The following MCM3 variants were observed in gnomAD, a reference collection of about 807,000 sequenced individuals.
MCM3 encodes the protein minichromosome maintenance complex component 3.
Under a neutral mutation model 91.3 loss-of-function variants are expected in MCM3, and 59 were observed. The observed-to-expected ratio is 0.65, with a 90% CI of 0.52 to 0.80. The LOEUF (loss-of-function observed/expected upper bound fraction) is 0.80, where lower values mean the gene tolerates loss of function less well. Among genes scored for constraint, MCM3 ranks in the 30% least tolerant of loss-of-function variants. The probability of loss-of-function intolerance (pLI) is 0.00; values close to 1 mark genes in which losing one functional copy is unlikely to be tolerated. For missense variants in MCM3, 919 were observed against 1,035.4 expected (o/e 0.89, Z 1.54); for synonymous variants, 383 against 379.6 (o/e 1.01, Z -0.10).
Position 52,272,458 on chromosome 6 carries a change from C to G in MCM3, c.1677-7G>C. On this transcript the variant is annotated splice_polypyrimidine_tract_variant and splice_region_variant and intron_variant, in intron 11 of 16. Transcript: ENST00000596288. The stretch of plus-strand genomic sequence containing the variant: ...TGCACTCACCATCTTCTCCCTGGAG[C>G]CACACACAGTGAATTCCATCTCCCT... 6.2e-7 allele frequency: 1 copy of G among 1,613,968 alleles called. No individual in the cohort carries two copies. The highest frequency in any genetic ancestry group is 8.5e-7 in the Non-Finnish European group (1 of 1,179,950).
At chr6:52,280,218 T>C (rs1765965547) in intron 4 of MCM3, among the ~76,000 whole-genome samples, 1 of 152,244 alleles carries the variant, frequency 6.6e-6, no homozygotes, top group South Asian at 2.1e-4. Context: ...CAAGAGGGAC[T>C]TCTGTGTGCT....
chr6:52,281,033 G>A (rs896258321), intron 4 of MCM3, among the ~76,000 whole-genome samples: 1 of 152,188 alleles, frequency 6.6e-6, no homozygotes, highest in Admixed American at 6.5e-5. Context: ...TTTGAATACA[G>A]TAGTTCTCAA....
chr6:52,277,149 A>G lies in MCM3; in HGVS notation c.1083T>C (p.Thr361=), dbSNP rs138846924. Residue 361 remains threonine (T), a synonymous_variant, in exon 8 of 17, where the codon ACT becomes ACC. Coordinates refer to ENST00000596288, the MANE Select transcript of MCM3 (RefSeq NM_002388.6). Reference sequence around the variant, plus strand: ...CAGTGGTGGGGATAGCTCGGGGTGCAGTGCAAAGCACATACCGCAGAAGCT... The same window carrying G: ...CAGTGGTGGGGATAGCTCGGGGTGCGGTGCAAAGCACATACCGCAGAAGCT... ...KSQLLRYVLC[T]APRAIPTTGR... The G allele has an allele frequency of 1.2e-5, 20 of 1,613,936 alleles. No homozygotes were observed. In the African/African-American group the frequency reaches 2.5e-4, roughly 20 times the overall value.
Position 52,277,652 on chromosome 6 carries a change from T to C in MCM3, c.916A>G (p.Ser306Gly), listed in dbSNP as rs1262932868. Residue 306 changes from serine to glycine, a missense_variant, in exon 7 of 17, where the codon AGT (serine) becomes GGT (glycine). This residue lies in a region of MCM3 where 401 missense variants were observed against 402.7 expected (regional missense o/e 1.00). Transcript: ENST00000596288. Reference sequence around the variant, plus strand: ...TTGACATAGTCATGCCCATGGATACTTGGGGCCAATGACTTGGCCAGCTGG... The same window carrying C: ...TTGACATAGTCATGCCCATGGATACCTGGGGCCAATGACTTGGCCAGCTGG... Reference protein sequence around the residue: ...FDQLAKSLAPSIHGHDYVKKA... With the variant: ...FDQLAKSLAPGIHGHDYVKKA... 3.7e-6 allele frequency: 6 copies of C among 1,614,046 alleles called. No individual in the cohort carries two copies. Among genetic ancestry groups the C allele is most frequent in the South Asian group, 1.1e-5 (1 of 91,068 alleles).
At position 52,284,579 on chromosome 6, in the gene MCM3, C is replaced by G; in HGVS notation, c.78+18G>C. ...GGGGCTCCGAGCGCTAGAGCCCGCGCGCCGGCGCCTCCCTCACCTCGTCGT... is the reference window on the plus strand; with the variant it reads ...GGGGCTCCGAGCGCTAGAGCCCGCGGGCCGGCGCCTCCCTCACCTCGTCGT... On this transcript the variant is annotated intron_variant, in intron 1 of 16. Transcript: ENST00000596288. The G allele has an allele frequency of 6.3e-7, 1 of 1,593,124 alleles. No homozygotes were observed. The highest frequency in any genetic ancestry group is 8.5e-7 in the Non-Finnish European group (1 of 1,173,250).
chr6:52,282,124 G>A lies in MCM3; in HGVS notation c.452C>T (p.Thr151Ile), dbSNP rs1431175120. The A allele has an allele frequency of 6.2e-7, 1 of 1,614,002 alleles. No homozygotes were observed. The highest frequency in any genetic ancestry group is 8.5e-7 in the Non-Finnish European group (1 of 1,179,892). The change falls in exon 4 of 17, where the codon ACT (threonine) becomes ATT (isoleucine). Residue 151 changes from threonine to isoleucine, a missense_variant. Coordinates refer to ENST00000596288, the MANE Select transcript of MCM3 (RefSeq NM_002388.6). The part of the protein sequence containing the change: ...VVRSVHYCPA[T>I]KKTIERRYSD... ...ATAACGTCGCTCTATGGTCTTCTTAGTAGCAGGACAGTAGTGGACACTGCG... is the reference window on the plus strand; with the variant it reads ...ATAACGTCGCTCTATGGTCTTCTTAATAGCAGGACAGTAGTGGACACTGCG...
intron 4 of MCM3, among the ~76,000 whole-genome samples, chr6:52,280,763 A>C (rs529858109): frequency 6.6e-5 from 10 of 152,244 alleles, no homozygotes; most frequent in Non-Finnish European, 1.2e-4. Context: ...GACTTAGAAA[A>C]TACAACTGGC....
chr6:52,283,259 C>A, intron 2 of MCM3, 35 bp downstream of exon 2: 1 of 1,561,028 alleles, frequency 6.4e-7, no homozygotes, highest in South Asian at 1.1e-5. Flanking sequence ...GGGAGCCATT[C>A]TCACTGACAG....
At chr6:52,266,771 C>T (rs576613249) in intron 14 of MCM3, 75 bp from the exon 15 acceptor site, 2 of 1,100,928 alleles carry the variant, frequency 1.8e-6, no homozygotes, top group African/African-American at 1.5e-5. Flanking sequence ...TCACGTGCCT[C>T]TAACTACGGA....
At chr6:52,266,183 G>A in intron 15 of MCM3, 39 bp from the exon 16 acceptor site, 6 of 1,466,562 alleles carry the variant, frequency 4.1e-6, no homozygotes, top group Non-Finnish European at 5.7e-6. Context: ...GGGAAGATAA[G>A]CAAGGTGAAG....
chr6:52,278,131 T>C lies in MCM3; in HGVS notation c.880-443A>G, dbSNP rs1408102103. Reference sequence around the variant, plus strand: ...TTGAAGAAACACACAAACAGGTACATTGTTCCTAACTGCAAAAAATTATTT... The same window carrying C: ...TTGAAGAAACACACAAACAGGTACACTGTTCCTAACTGCAAAAAATTATTT... On this transcript the variant is annotated intron_variant, in intron 6 of 16. Coordinates refer to ENST00000596288, the MANE Select transcript of MCM3 (RefSeq NM_002388.6). Among the ~76,000 whole-genome samples the C allele has an allele frequency of 2.1e-5, 3 of 145,324 alleles. No individual in the cohort carries two copies. The East Asian group carries it at 6.1e-4, about 29-fold the overall frequency.
intron 4 of MCM3, 58 bp from the exon 5 acceptor site, chr6:52,279,657 A>G (rs911641569): frequency 4.0e-6 from 5 of 1,264,108 alleles, no homozygotes; most frequent in African/African-American, 1.5e-5. Context: ...AAAATGCCAC[A>G]CTCACCTGTC....
chr6:52,279,263 AGATAT>A, intron 5 of MCM3, 93 bp downstream of exon 5: 1 of 993,800 alleles, frequency 1.0e-6, no homozygotes, highest in Non-Finnish European at 1.5e-6. Flanking sequence ...TCCACCTATC[AGATAT>A]AACTCTCTGG....
In MCM3 at chr6:52,264,578, C is replaced by A. The variant is rs200538750; in HGVS notation, c.*10G>T. On this transcript the variant is annotated 3_prime_UTR_variant, in exon 17 of 17. Coordinates refer to ENST00000596288, the MANE Select transcript of MCM3 (RefSeq NM_002388.6). ...TCTCGGCACAACCCAAGTTCAGAGA[C>A]GAGGCCTCCTCAGATGAGGAAGATG... The A allele has an allele frequency of 6.2e-7, 1 of 1,613,856 alleles. No homozygotes were observed. The highest frequency in any genetic ancestry group is 1.3e-5 in the African/African-American group (1 of 74,904).
chr6:52,264,521 C>G lies in MCM3; in HGVS notation c.*67G>C. The stretch of plus-strand genomic sequence containing the variant: ...AGGGAGTAGAGGCAAAGACTTGGGT[C>G]AGGGAGAGGGTGGGAAACACAGAAC... On this transcript the variant is annotated 3_prime_UTR_variant, in exon 17 of 17. Coordinates refer to ENST00000596288, the MANE Select transcript of MCM3 (RefSeq NM_002388.6). The G allele has an allele frequency of 6.4e-7, 1 of 1,556,480 alleles. No homozygotes were observed.
intron 12 of MCM3, among the ~76,000 whole-genome samples, 178 bp downstream of exon 12, chr6:52,272,123 G>C (rs1765184493): frequency 6.6e-6 from 1 of 152,062 alleles, no homozygotes; most frequent in African/African-American, 2.4e-5. Context: ...GTTATCTCTG[G>C]GGTCCTTATT....
intron 15 of MCM3, 60 bp from the exon 16 acceptor site, chr6:52,266,204 A>C: frequency 1.6e-6 from 2 of 1,265,824 alleles, no homozygotes; most frequent in Non-Finnish European, 2.3e-6. Context: ...CCATTTCCAC[A>C]AACACTAGAG....
At position 52,265,933 on chromosome 6, in the gene MCM3, A is replaced by T. The variant is rs566439520; in HGVS notation, c.2228+142T>A. On this transcript the variant is annotated intron_variant, in intron 16 of 16. Coordinates refer to ENST00000596288, the MANE Select transcript of MCM3 (RefSeq NM_002388.6). The stretch of plus-strand genomic sequence containing the variant: ...TAAGTTTGAAATTAAATGAGAATAT[A>T]AAATGTTAAAAGCTGCAGGCCTCTA... The T allele has an allele frequency of 6.9e-6, 4 of 582,166 alleles. No homozygotes were observed. In the Admixed American group the frequency reaches 1.3e-4, roughly 19 times the overall value. The allele number at this position is 582,166 out of a possible 1,614,324, so 36.1% of individuals were successfully genotyped here.
At chr6:52,276,962 C>T (rs1765624410) in intron 8 of MCM3, 105 bp downstream of exon 8, 3 of 1,380,146 alleles carry the variant, frequency 2.2e-6, no homozygotes, top group Admixed American at 2.2e-5. Flanking sequence ...TAATCTGGAC[C>T]CAACTAACCT....
Sources: allele counts gnomAD v4.1 joint callset (sites outside exome capture counted in the v4.1 genomes callset), GRCh38; gene constraint gnomAD v4.1.1; regional missense constraint gnomAD v4.1.1; transcripts MANE v1.5; gene names NCBI Gene and HGNC (gene_info 2026-07-23, HGNC 2026-07-21).